HMSD: variants seen among roughly 807,000 people sequenced by gnomAD.
HMSD encodes the protein serpin-like protein HMSD.
HMSD carries 13 observed loss-of-function variants against 10.0 expected under a neutral mutation model. The observed-to-expected ratio is 1.31, with a 90% CI of 0.85 to 2.08. The LOEUF (loss-of-function observed/expected upper bound fraction) is 2.08, where lower values mean the gene tolerates loss of function less well. HMSD is among the 30% of genes most tolerant of loss of function. The probability of loss-of-function intolerance (pLI) is 0.00; values close to 1 mark genes in which losing one functional copy is unlikely to be tolerated. For synonymous variants in HMSD, 51 were observed against 54.2 expected (o/e 0.94, Z 0.26); for missense variants, 169 against 166.3 (o/e 1.02, Z -0.09).
intron 3 of HMSD, among the ~76,000 whole-genome samples, chr18:63,956,725 T>C (rs957084839): frequency 6.6e-6 from 1 of 152,182 alleles, no homozygotes. Context: ...AATCCCATTA[T>C]TGAGTACATA....
rs201122494 is a variant in HMSD at position 63,960,391 on chromosome 18, C to T, written c.*36C>T. On this transcript the variant is annotated 3_prime_UTR_variant, in exon 4 of 4. Coordinates refer to ENST00000408945, the MANE Select transcript of HMSD (RefSeq NM_001123366.2). ...TTTTTTCTCTAAACAACTATGCAAA[C>T]ATTAAAACCTTTCTTTGGAAATATT... 8.7e-4 allele frequency: 1,331 copies of T among 1,533,164 alleles called. 4 individuals carry two copies. The highest frequency in any genetic ancestry group is 1.8e-3 in the South Asian group (146 of 80,108). The allele number at this position is 1,533,164 out of a possible 1,614,324, so 95.0% of individuals were successfully genotyped here.
At chr18:63,951,232 T>G (rs2050328731) in intron 1 of HMSD, among the ~76,000 whole-genome samples, 1 of 152,236 alleles carries the variant, frequency 6.6e-6, no homozygotes, top group East Asian at 1.9e-4. Flanking sequence ...ACATTAAGCT[T>G]TATCATCAAT....
chr18:63,967,435 C>T (rs767717694), intron 3 of HMSD, among the ~76,000 whole-genome samples: 84 of 152,204 alleles, frequency 5.5e-4, no homozygotes, highest in Admixed American at 1.7e-3. Flanking sequence ...TGCCCTGCCC[C>T]GTGAGATTCT....
downstream of HMSD, among the ~76,000 whole-genome samples, chr18:63,965,407 A>G (rs1027356380): frequency 1.3e-5 from 2 of 152,232 alleles, no homozygotes; most frequent in African/African-American, 4.8e-5. Flanking sequence ...AACCAAAGAG[A>G]TCTTTCTAAT....
At chr18:63,952,958 A>G (rs1458849726) in intron 1 of HMSD, among the ~76,000 whole-genome samples, 1 of 152,162 alleles carries the variant, frequency 6.6e-6, no homozygotes, top group Non-Finnish European at 1.5e-5. Flanking sequence ...TACAAATTTC[A>G]TGTTTTAAGC....
intron 1 of HMSD, among the ~76,000 whole-genome samples, chr18:63,953,019 A>T (rs2050339114): frequency 6.6e-6 from 1 of 152,192 alleles, no homozygotes; most frequent in Non-Finnish European, 1.5e-5. Flanking sequence ...TCCTTATACC[A>T]TGGTGATTAA....
chr18:63,956,255 A>C (rs1458645092), intron 3 of HMSD, among the ~76,000 whole-genome samples: 1 of 152,246 alleles, frequency 6.6e-6, no homozygotes, highest in Non-Finnish European at 1.5e-5. Context: ...TCTGCAGGGC[A>C]AAAGAAACTA....
chr18:63,963,107 T>TTTCTTTCTCTTTC (rs1415052567), downstream of HMSD, among the ~76,000 whole-genome samples: 81 of 134,338 alleles, frequency 6.0e-4, 4 homozygotes, highest in African/African-American at 2.3e-3. Context: ...CTTTCTTTCT[T>TTTCTTTCTCTTTC]TCTTTCTTTC....
chr18:63,962,458 A>G (rs1486939003), downstream of HMSD, among the ~76,000 whole-genome samples: 2 of 152,196 alleles, frequency 1.3e-5, no homozygotes, highest in Admixed American at 1.3e-4. Context: ...TGGCTGTGTT[A>G]TCCCATCTGA....
chr18:63,969,146 G>A (rs1050971323), intron 3 of HMSD, among the ~76,000 whole-genome samples: 1 of 152,224 alleles, frequency 6.6e-6, no homozygotes, highest in Non-Finnish European at 1.5e-5. Context: ...TATATGAACA[G>A]AGGATATGAA....
Position 63,954,288 on chromosome 18 carries a change from T to A in HMSD, c.73-120T>A. The A allele has an allele frequency of 5.6e-6, 4 of 717,754 alleles. No homozygotes were observed. The South Asian group carries it at 8.2e-5, about 15-fold the overall frequency. The allele number at this position is 717,754 out of a possible 1,614,324, so 44.5% of individuals were successfully genotyped here. ...CACTCTCTATCTTTTATTAGATTGA[T>A]CATCTTTTAAGCTGTAGTAAGCATC... is the stretch of plus-strand genomic sequence containing the variant. On this transcript the variant is annotated intron_variant, in intron 2 of 3. Coordinates refer to ENST00000408945, the MANE Select transcript of HMSD (RefSeq NM_001123366.2).
chr18:63,953,407 T>G lies in HMSD; in HGVS notation c.-49T>G, dbSNP rs765356046. 98 of 1,491,124 alleles carry G rather than the reference T, an allele frequency of 6.6e-5. No homozygotes were observed. Among genetic ancestry groups the G allele is most frequent in the Non-Finnish European group, 8.6e-5 (92 of 1,074,322 alleles). 92.4% of individuals were successfully genotyped at this position (1,491,124 alleles called of 1,614,324 possible). ...GCAAATGGCACATTTGCATTAAACC[T>G]TTTGAAAAAGCTAGGGGAAAACAAC... On this transcript the variant is annotated 5_prime_UTR_variant, in exon 2 of 4. Coordinates refer to ENST00000408945, the MANE Select transcript of HMSD (RefSeq NM_001123366.2).
rs139861303 is a variant in HMSD, at chr18:63,954,598, G to A, written c.222+41G>A. The A allele has an allele frequency of 4.8e-4, 751 of 1,556,594 alleles. 5 individuals are homozygous for A. The African/African-American group carries it at 9.5e-3, about 20-fold the overall frequency. Reference sequence around the variant, plus strand: ...TTATTAGGAAAATAAAGATAGCAATGTGGTGGGAAGTAGGAGAATGAATAT... The same window carrying A: ...TTATTAGGAAAATAAAGATAGCAATATGGTGGGAAGTAGGAGAATGAATAT... On this transcript the variant is annotated intron_variant, in intron 3 of 3. Coordinates refer to ENST00000408945, the MANE Select transcript of HMSD (RefSeq NM_001123366.2).
downstream of HMSD, among the ~76,000 whole-genome samples, chr18:63,963,133 C>CTTTCTTTTCTTT (rs748638278): frequency 1.8e-5 from 2 of 108,376 alleles, no homozygotes; most frequent in African/African-American, 3.6e-5. Flanking sequence ...TTCTTTCTTT[C>CTTTCTTTTCTTT]CTTTCTTTCT....
At chr18:63,949,731 C>T (rs908750209) in intron 1 of HMSD, among the ~76,000 whole-genome samples, 1 of 152,166 alleles carries the variant, frequency 6.6e-6, no homozygotes, top group African/African-American at 2.4e-5. Flanking sequence ...ACAATGAGGC[C>T]TCCCACCCTG....
At chr18:63,963,796 G>C (rs138682794), downstream of HMSD, among the ~76,000 whole-genome samples, 1 of 152,190 alleles carries the variant, frequency 6.6e-6, no homozygotes, top group African/African-American at 2.4e-5. Context: ...GAACTTGACT[G>C]ACTGGCCCAG....
downstream of HMSD, among the ~76,000 whole-genome samples, chr18:63,963,674 C>G (rs2050399659): frequency 6.6e-6 from 1 of 152,200 alleles, no homozygotes; most frequent in Admixed American, 6.5e-5. Flanking sequence ...GATTTAATGA[C>G]AGGCTTGCCT....
chr18:63,953,476 G>A lies in HMSD; in HGVS notation c.21G>A (p.Leu7=). MSISSA[L]AMVFMGAKGN... The stretch of plus-strand genomic sequence containing the variant: ...TCCCCATGAGCATATCATCAGCCTT[G>A]GCCATGGTTTTCATGGGGGCAAAGG... Residue 7 remains leucine, a synonymous_variant, in exon 2 of 4, where the codon TTG becomes TTA. Coordinates refer to ENST00000408945, the MANE Select transcript of HMSD (RefSeq NM_001123366.2). 6.2e-7 allele frequency: 1 copy of A among 1,613,920 alleles called. No homozygotes were observed. The highest frequency in any genetic ancestry group is 8.5e-7 in the Non-Finnish European group (1 of 1,179,864).
chr18:63,952,195 C>G (rs551093498), intron 1 of HMSD, among the ~76,000 whole-genome samples: 18 of 150,134 alleles, frequency 1.2e-4, no homozygotes, highest in Non-Finnish European at 2.7e-4. Context: ...TGCTAGATGA[C>G]GAGTTAGTGG....
Sources: allele counts gnomAD v4.1 joint callset (sites outside exome capture counted in the v4.1 genomes callset), GRCh38; gene constraint gnomAD v4.1.1; transcripts MANE v1.5; gene names NCBI Gene and HGNC (gene_info 2026-07-23, HGNC 2026-07-21).